Variants in SEMA4D observed in about 807,000 individuals in gnomAD.
SEMA4D encodes the protein semaphorin 4D.
In SEMA4D, 22 loss-of-function variants were observed where a neutral mutation model predicts 74.8. The observed-to-expected ratio is 0.29, with a 90% confidence interval of 0.21 to 0.42. The LOEUF is 0.42. SEMA4D is among the 10% of genes least tolerant of loss of function. The pLI is 1.00. For missense variants in SEMA4D, 937 were observed against 1,118.4 expected, an observed-to-expected ratio of 0.84 and a Z score of 2.31; for synonymous variants, 445 against 463.7, an observed-to-expected ratio of 0.96 and a Z score of 0.52.
At chr9:89,423,226 T>C (rs1403613088) in intron 2 of SEMA4D, among the ~76,000 whole-genome samples, 3 of 152,038 alleles carry the variant, frequency 2.0e-5, no homozygotes, top group Admixed American at 1.3e-4. Flanking sequence ...AGTTTCACTC[T>C]TGTTGCCCAG....
At chr9:89,491,726 C>T (rs1396812955) in intron 1 of SEMA4D, among the ~76,000 whole-genome samples, 1 of 152,204 alleles carries the variant, frequency 6.6e-6, no homozygotes, top group African/African-American at 2.4e-5. Context: ...AGCGTTCAGT[C>T]CATGTGGAAC....
chr9:89,365,572 A>G (rs901028216), intron 16 of SEMA4D: 1 of 152,228 alleles, frequency 6.6e-6, no homozygotes, highest in East Asian at 1.9e-4. Flanking sequence ...TCAACCTCAC[A>G]ATGACAAAAT....
At chr9:89,429,470 G>A (rs1848792792) in intron 2 of SEMA4D, among the ~76,000 whole-genome samples, 1 of 152,186 alleles carries the variant, frequency 6.6e-6, no homozygotes, top group Non-Finnish European at 1.5e-5. Flanking sequence ...GTGTTGGGGG[G>A]TAGGGGGCAG....
At chr9:89,493,093 G>T (rs939426396) in intron 1 of SEMA4D, among the ~76,000 whole-genome samples, 1 of 152,178 alleles carries the variant, frequency 6.6e-6, no homozygotes, top group Non-Finnish European at 1.5e-5. Context: ...TCATCAAGTG[G>T]ACAAGTGCAA....
chr9:89,379,527 A>G lies in SEMA4D; in HGVS notation c.1766T>C (p.Phe589Ser), dbSNP rs1836525305. 6.2e-7 allele frequency: 1 copy of G among 1,614,046 alleles called. No homozygotes were observed. Among genetic ancestry groups the G allele is most frequent in the Non-Finnish European group, 8.5e-7 (1 of 1,180,032 alleles). ...KSNLARVFWK[F>S]QNGVLKAESP... ...CTCGGCCTTCAACACGCCATTCTGG[A>G]ACTTCCAAAAGACCCGGGCCAGGTT... The change falls in exon 16 of 16, where the codon TTC becomes TCC. Residue 589 changes from phenylalanine to serine, a missense_variant. Physicochemically the swap from Phe to Ser is radical, Grantham distance 155. Transcript: ENST00000422704.
rs535912385 is a variant in SEMA4D at position 89,467,145 on chromosome 9, C to T, written c.-309-11192G>A. On this transcript the variant is annotated intron_variant, in intron 1 of 15. Coordinates refer to ENST00000422704, the MANE Select transcript of SEMA4D (RefSeq NM_001371194.2). ...CTCCTGTCCCAGCTCGTGTATCATG[C>T]CTGCCTCCTTCCTGGTGGCCACACA... Among the ~76,000 whole-genome samples the T allele has an allele frequency of 1.9e-3, 289 of 152,324 alleles. 1 individual carries two copies. In the Middle Eastern group the frequency reaches 0.037, roughly 20 times the overall value.
chr9:89,384,609 A>G (rs1837994079), intron 13 of SEMA4D: 9 of 954,072 alleles, frequency 9.4e-6, no homozygotes, highest in Non-Finnish European at 7.5e-6. Flanking sequence ...ACTGACGTGC[A>G]CAATGAAAAA....
chr9:89,388,898 C>CACA lies in SEMA4D; in HGVS notation c.921_923dup (p.Val308dup). 1 of 1,614,132 alleles carries CACA rather than the reference C, an allele frequency of 6.2e-7. No individual in the cohort carries two copies. Among genetic ancestry groups the CACA allele is most frequent in the Non-Finnish European group, 8.5e-7 (1 of 1,180,026 alleles). On this transcript the variant is annotated inframe_insertion, in exon 10 of 16. Coordinates refer to ENST00000422704, the MANE Select transcript of SEMA4D (RefSeq NM_001371194.2). The stretch of plus-strand genomic sequence containing the variant: ...GCTGTGGGGTGAAGAGTGCATAGAA[C>CACA]ACAGGCACCTTCAGGCCCGGGGACC...
At chr9:89,451,924 G>A (rs118107081) in intron 2 of SEMA4D, among the ~76,000 whole-genome samples, 16 of 152,114 alleles carry the variant, frequency 1.1e-4, no homozygotes, top group South Asian at 8.3e-4. Flanking sequence ...AAGGCATCTC[G>A]GCTCTGATCA....
At chr9:89,420,976 A>G (rs929976389) in intron 2 of SEMA4D, among the ~76,000 whole-genome samples, 9 of 152,222 alleles carry the variant, frequency 5.9e-5, no homozygotes, top group African/African-American at 2.2e-4. Context: ...GAAGCCAGTT[A>G]TATCTGCCTA....
chr9:89,491,120 T>C (rs1825592534), intron 1 of SEMA4D, among the ~76,000 whole-genome samples: 1 of 152,238 alleles, frequency 6.6e-6, no homozygotes, highest in African/African-American at 2.4e-5. Context: ...TAGGACAGCA[T>C]TGCCTCTAGT....
chr9:89,431,286 C>T (rs964755455), intron 2 of SEMA4D, among the ~76,000 whole-genome samples: 45 of 152,270 alleles, frequency 3.0e-4, no homozygotes, highest in African/African-American at 1.0e-3. Flanking sequence ...GTGAGCCACC[C>T]GGGGCACACC....
chr9:89,398,920 G>A (rs1429818206), intron 5 of SEMA4D, among the ~76,000 whole-genome samples: 1 of 152,232 alleles, frequency 6.6e-6, no homozygotes, highest in Non-Finnish European at 1.5e-5. Flanking sequence ...GCCTCTGGGT[G>A]CAAGGAGGCA....
At chr9:89,362,412 T>C (rs781335320) in exon 19 of SEMA4D, 4 of 1,614,042 alleles carry the variant, frequency 2.5e-6, no homozygotes, top group Non-Finnish European at 8.5e-7. Flanking sequence ...CTACAGGGTG[T>C]CCTTGCTACA....
chr9:89,400,006 C>CA (rs33925502), intron 4 of SEMA4D, among the ~76,000 whole-genome samples: 19,854 of 58,904 alleles, frequency 0.34, 6,456 homozygotes, highest in Non-Finnish European at 0.5. Flanking sequence ...GACTCCGTCT[C>CA]AAAAAAAAAA....
chr9:89,433,181 C>G lies in SEMA4D; in HGVS notation c.-244+22707G>C, dbSNP rs562900852. Reference sequence around the variant, plus strand: ...TCACTGTCTATAGCAGGCTGGAGCACGGATGTATGCATGCCCCTGCTATAG... The same window carrying G: ...TCACTGTCTATAGCAGGCTGGAGCAGGGATGTATGCATGCCCCTGCTATAG... On this transcript the variant is annotated intron_variant, in intron 2 of 15. Transcript: ENST00000422704. 3.9e-5 allele frequency among the ~76,000 whole-genome samples: 6 copies of G among 152,300 alleles called. No individual in the cohort carries two copies. In the South Asian group the frequency reaches 1.2e-3, roughly 32 times the overall value.
intron 1 of SEMA4D, among the ~76,000 whole-genome samples, chr9:89,483,270 G>C (rs748497814): frequency 6.6e-6 from 1 of 152,236 alleles, no homozygotes; most frequent in Non-Finnish European, 1.5e-5. Flanking sequence ...CCAAGCCACT[G>C]CCCTCAGCAT....
chr9:89,383,036 G>T (rs879336288), intron 13 of SEMA4D, among the ~76,000 whole-genome samples: 31 of 152,196 alleles, frequency 2.0e-4, no homozygotes, highest in African/African-American at 7.5e-4. Flanking sequence ...AAAACTAAAC[G>T]ACGCCACACA....
chr9:89,375,910 C>A (rs1343975066), downstream of SEMA4D, among the ~76,000 whole-genome samples: 1 of 152,172 alleles, frequency 6.6e-6, no homozygotes, highest in African/African-American at 2.4e-5. Context: ...GTGATCTAGG[C>A]TGGAGTGCAG....
Sources: allele counts gnomAD v4.1 joint callset (sites outside exome capture counted in the v4.1 genomes callset), GRCh38; gene constraint gnomAD v4.1.1; transcripts MANE v1.5; gene names NCBI Gene and HGNC (gene_info 2026-07-23, HGNC 2026-07-21).